FOXK1: variants seen among roughly 807,000 people sequenced by gnomAD.
FOXK1 encodes the protein forkhead box K1, also known as forkhead box protein K1.
Under a neutral mutation model 51.9 loss-of-function variants are expected in FOXK1, and 19 were observed. The ratio of observed to expected loss-of-function variants is 0.37; its 90% CI spans 0.26 to 0.54. The LOEUF is 0.54. Among genes scored for constraint, FOXK1 ranks in the 20% least tolerant of loss-of-function variants. The pLI is 0.87. For missense variants in FOXK1, 870 were observed against 1,032.7 expected, an observed-to-expected ratio of 0.84 and a Z score of 2.16; for synonymous variants, 537 against 482.6, an observed-to-expected ratio of 1.11 and a Z score of -1.48.
intron 1 of FOXK1, among the ~76,000 whole-genome samples, chr7:4,690,035 C>G (rs1347460080): frequency 2.6e-5 from 4 of 152,192 alleles, no homozygotes; most frequent in Non-Finnish European, 5.9e-5. Flanking sequence ...GAAGGATCAG[C>G]CTGCAGTGCC....
chr7:4,705,991 T>C lies in FOXK1; in HGVS notation c.560+23123T>C, dbSNP rs558229337. Among the ~76,000 whole-genome samples, 219 of 100,512 alleles carry C rather than the reference T, an allele frequency of 2.2e-3. 5 individuals are homozygous for C. Among genetic ancestry groups the C allele is most frequent in the South Asian group, 0.016 (64 of 4,080 alleles). 65.9% of individuals were successfully genotyped at this position (100,512 alleles called of 152,430 possible). ...ATATATACGTATATATACGTATATA[T>C]ACGTATATATACGTATATATACGTA... On this transcript the variant is annotated intron_variant, in intron 1 of 8. Coordinates refer to ENST00000328914, the MANE Select transcript of FOXK1 (RefSeq NM_001037165.2).
At chr7:4,728,436 ACCT>A (rs906378604) in intron 1 of FOXK1, among the ~76,000 whole-genome samples, 1 of 151,906 alleles carries the variant, frequency 6.6e-6, no homozygotes, top group African/African-American at 2.4e-5. Flanking sequence ...CTATGCATTC[ACCT>A]CCTGGGAGAC....
At position 4,756,908 on chromosome 7, in the gene FOXK1, G is replaced by T; in HGVS notation, c.1051-86G>T. 1.4e-6 allele frequency: 2 copies of T among 1,450,464 alleles called. No individual in the cohort carries two copies. The highest frequency in any genetic ancestry group is 1.9e-6 in the Non-Finnish European group (2 of 1,060,230). 89.8% of individuals were successfully genotyped at this position (1,450,464 alleles called of 1,614,324 possible). A position where few individuals can be genotyped will look rare whatever the true frequency, so the allele number is the denominator to read the frequency against. Reference sequence around the variant, plus strand: ...CAGAGGGACGGCCTCCCCTCACCCTGGTCCCGCATCTGCTGCAGATTTGAG... The same window carrying T: ...CAGAGGGACGGCCTCCCCTCACCCTTGTCCCGCATCTGCTGCAGATTTGAG... On this transcript the variant is annotated intron_variant, in intron 4 of 8. Transcript: ENST00000328914. This position sits in a 1 kb window ranked among gnomAD's most constrained non-coding sequence, Gnocchi z 4.1.
intron 1 of FOXK1, among the ~76,000 whole-genome samples, chr7:4,697,075 C>CA (rs993284027): frequency 5.3e-5 from 8 of 151,756 alleles, no homozygotes; most frequent in African/African-American, 1.7e-4. Context: ...TCTCAATAAG[C>CA]AAAAAAAAGA....
intron 2 of FOXK1, among the ~76,000 whole-genome samples, chr7:4,744,217 A>G (rs1780672140): frequency 6.6e-6 from 1 of 152,220 alleles, no homozygotes; most frequent in South Asian, 2.1e-4. Context: ...GAAGGAGTTA[A>G]GTGATACCTG....
chr7:4,695,820 C>T lies in FOXK1; in HGVS notation c.560+12952C>T, dbSNP rs996571102. Among the ~76,000 whole-genome samples the T allele has an allele frequency of 2.0e-5, 3 of 151,986 alleles. 1 individual carries two copies. The highest frequency in any genetic ancestry group is 1.9e-4 in the East Asian group (1 of 5,162). On this transcript the variant is annotated intron_variant, in intron 1 of 8. Coordinates refer to ENST00000328914, the MANE Select transcript of FOXK1 (RefSeq NM_001037165.2). ...GCGTGGTGGCGCATGCCTGTAATCCCAGCTACTTGGGAGGCTGAGGCAGGA... is the reference window on the plus strand; with the variant it reads ...GCGTGGTGGCGCATGCCTGTAATCCTAGCTACTTGGGAGGCTGAGGCAGGA...
Position 4,766,835 on chromosome 7 carries a change from G to A in FOXK1, c.*4371G>A, listed in dbSNP as rs1289068068. 1.3e-5 allele frequency: 2 copies of A among 152,386 alleles called. No individual in the cohort carries two copies. The highest frequency in any genetic ancestry group is 2.9e-5 in the Non-Finnish European group (2 of 68,054). 9.4% of individuals were successfully genotyped at this position (152,386 alleles called of 1,614,324 possible). On this transcript the variant is annotated 3_prime_UTR_variant, in exon 9 of 9. Coordinates refer to ENST00000328914, the MANE Select transcript of FOXK1 (RefSeq NM_001037165.2). The surrounding 1 kb of genome is among the most constrained non-coding windows in gnomAD (Gnocchi z 5.5). ...CCCTGGAGCACCCCCGGGGAGCTGG[G>A]ACTCTCCAGAAAGCCCCGGGTGAGG... is the stretch of plus-strand genomic sequence containing the variant.
At position 4,735,046 on chromosome 7, in the gene FOXK1, G is replaced by A. The variant is rs891940776; in HGVS notation, c.561-5792G>A. 6.6e-6 allele frequency among the ~76,000 whole-genome samples: 1 copy of A among 152,160 alleles called. No homozygotes were observed. Among genetic ancestry groups the A allele is most frequent in the African/African-American group, 2.4e-5 (1 of 41,446 alleles). On this transcript the variant is annotated intron_variant, in intron 1 of 8. Transcript: ENST00000328914. This position sits in a 1 kb window ranked among gnomAD's most constrained non-coding sequence, Gnocchi z 4.7. Reference sequence around the variant, plus strand: ...GTGAGCTATTTTTATTTTCCTGACAGCTTTCTGTTTGGCCGGGCAGGTGGT... The same window carrying A: ...GTGAGCTATTTTTATTTTCCTGACAACTTTCTGTTTGGCCGGGCAGGTGGT...
chr7:4,702,636 G>A (rs902906829), intron 1 of FOXK1, among the ~76,000 whole-genome samples: 1 of 152,204 alleles, frequency 6.6e-6, no homozygotes, highest in South Asian at 2.1e-4. Flanking sequence ...ATGAGCCACC[G>A]CACCCGGCCA....
rs933165684 is a variant in FOXK1, at chr7:4,770,257, A to C, written c.*7793A>C. 3 of 152,050 alleles carry C rather than the reference A, an allele frequency of 2.0e-5. No individual in the cohort carries two copies. Among genetic ancestry groups the C allele is most frequent in the Non-Finnish European group, 2.9e-5 (2 of 68,036 alleles). 9.4% of individuals were successfully genotyped at this position (152,050 alleles called of 1,614,324 possible). A position where few individuals can be genotyped will look rare whatever the true frequency, so the allele number is the denominator to read the frequency against. On this transcript the variant is annotated 3_prime_UTR_variant, in exon 9 of 9. Coordinates refer to ENST00000328914, the MANE Select transcript of FOXK1 (RefSeq NM_001037165.2). ...GGAATTTAAAATCAAATATTTGGCC[A>C]GGTGCGGTGGCTCATGCCCGTAATC... is the stretch of plus-strand genomic sequence containing the variant.
At position 4,752,220 on chromosome 7, in the gene FOXK1, C is replaced by T. The variant is rs565705741; in HGVS notation, c.747-2239C>T. The stretch of plus-strand genomic sequence containing the variant: ...AGTGCAGTGGCACAATTATAGCTCA[C>T]TGTAGCCTCAAACTCCTAGGCTCAA... On this transcript the variant is annotated intron_variant, in intron 2 of 8. Coordinates refer to ENST00000328914, the MANE Select transcript of FOXK1 (RefSeq NM_001037165.2). 5.9e-5 allele frequency among the ~76,000 whole-genome samples: 9 copies of T among 152,398 alleles called. No individual in the cohort carries two copies. In the South Asian group the frequency reaches 1.2e-3, roughly 21 times the overall value.
chr7:4,740,643 A>C (rs538713613), intron 1 of FOXK1, among the ~76,000 whole-genome samples, 195 bp from the exon 2 acceptor site: 4 of 152,244 alleles, frequency 2.6e-5, no homozygotes, highest in Admixed American at 2.6e-4. Flanking sequence ...AGAAATAGAA[A>C]GACAAGTGAC....
chr7:4,712,202 C>T (rs79161580), intron 1 of FOXK1, among the ~76,000 whole-genome samples: 7,125 of 152,080 alleles, frequency 0.047, 223 homozygotes, highest in Middle Eastern at 0.095. Flanking sequence ...TGGGGTGAGA[C>T]GTTCGACGTG....
chr7:4,748,292 A>G lies in FOXK1; in HGVS notation c.747-6167A>G, dbSNP rs999153612. On this transcript the variant is annotated intron_variant, in intron 2 of 8. Transcript: ENST00000328914. The surrounding 1 kb of genome is among the most constrained non-coding windows in gnomAD (Gnocchi z 4.9). ...CTGTCTCTTGGTTTTTCCGTTTTAG[A>G]TATTACACATGAGGTTCCTATATGG... 3.3e-5 allele frequency among the ~76,000 whole-genome samples: 5 copies of G among 152,204 alleles called. No individual in the cohort carries two copies. Among genetic ancestry groups the G allele is most frequent in the Admixed American group, 2.0e-4 (3 of 15,296 alleles).
chr7:4,682,972 A>C lies in FOXK1; in HGVS notation c.560+104A>C, dbSNP rs1332548670. 1.3e-4 allele frequency: 140 copies of C among 1,094,004 alleles called. No individual in the cohort carries two copies. The highest frequency in any genetic ancestry group is 9.4e-4 in the African/African-American group (41 of 43,686). The allele number at this position is 1,094,004 out of a possible 1,614,324, so 67.8% of individuals were successfully genotyped here. ...TCCCCCTCCAGCTTCCTCGGCCTCGACCCCCACCCCCCGGCCCACCCCCGG... is the reference window on the plus strand; with the variant it reads ...TCCCCCTCCAGCTTCCTCGGCCTCGCCCCCCACCCCCCGGCCCACCCCCGG... On this transcript the variant is annotated intron_variant, in intron 1 of 8. Transcript: ENST00000328914. This position sits in a 1 kb window ranked among gnomAD's most constrained non-coding sequence, Gnocchi z 7.6.
Position 4,743,494 on chromosome 7 carries a change from G to C in FOXK1, c.746+2471G>C, listed in dbSNP as rs1188182656. Among the ~76,000 whole-genome samples, 2 of 152,194 alleles carry C rather than the reference G, an allele frequency of 1.3e-5. No individual in the cohort carries two copies. Among genetic ancestry groups the C allele is most frequent in the African/African-American group, 4.8e-5 (2 of 41,454 alleles). On this transcript the variant is annotated intron_variant, in intron 2 of 8. Transcript: ENST00000328914. The surrounding 1 kb of genome is among the most constrained non-coding windows in gnomAD (Gnocchi z 5.3). The stretch of plus-strand genomic sequence containing the variant: ...GAACCCAGGAGGTGAAGGTTGCAGT[G>C]AGCTGAGATCACGCGACTGCACTCC...
intron 1 of FOXK1, among the ~76,000 whole-genome samples, chr7:4,696,929 A>G (rs1009791303): frequency 5.3e-5 from 8 of 152,290 alleles, no homozygotes; most frequent in Admixed American, 2.0e-4. Context: ...TTAGCCAGGC[A>G]TGGTGGTGTG....
Position 4,722,511 on chromosome 7 carries a change from C to G in FOXK1, c.561-18327C>G, listed in dbSNP as rs542181805. Among the ~76,000 whole-genome samples, 67 of 152,316 alleles carry G rather than the reference C, an allele frequency of 4.4e-4. No homozygotes were observed. The highest frequency in any genetic ancestry group is 1.5e-3 in the African/African-American group (64 of 41,580). On this transcript the variant is annotated intron_variant, in intron 1 of 8. Transcript: ENST00000328914. This position sits in a 1 kb window ranked among gnomAD's most constrained non-coding sequence, Gnocchi z 5.1. Reference sequence around the variant, plus strand: ...CTGCTCAGCACCAGTGGCCTCAGCCCAGTGCCAGCGTGCTGGGACGGGTAC... The same window carrying G: ...CTGCTCAGCACCAGTGGCCTCAGCCGAGTGCCAGCGTGCTGGGACGGGTAC...
rs1780332647 is a variant in FOXK1, at chr7:4,722,899, G to T, written c.561-17939G>T. ...TGGCATCCAGGTGAGGTGCCTGTGG[G>T]CAGAGCTGTTGATGGAAGAGGGTGT... On this transcript the variant is annotated intron_variant, in intron 1 of 8. Transcript: ENST00000328914. The surrounding 1 kb of genome is among the most constrained non-coding windows in gnomAD (Gnocchi z 5.1). Among the ~76,000 whole-genome samples the T allele has an allele frequency of 6.6e-6, 1 of 152,090 alleles. No individual in the cohort carries two copies. Among genetic ancestry groups the T allele is most frequent in the Non-Finnish European group, 1.5e-5 (1 of 68,012 alleles).
Sources: allele counts gnomAD v4.1 joint callset (sites outside exome capture counted in the v4.1 genomes callset), GRCh38; gene constraint gnomAD v4.1.1; non-coding constraint Gnocchi (gnomAD v3.1); transcripts MANE v1.5; gene names NCBI Gene and HGNC (gene_info 2026-07-23, HGNC 2026-07-21).